DOCK1: variants seen among roughly 807,000 people sequenced by gnomAD.
DOCK1 encodes the protein dedicator of cytokinesis 1, also known as dedicator of cytokinesis protein 1.
DOCK1 carries 138 observed loss-of-function variants against 262.7 expected under a neutral mutation model. The observed-to-expected ratio is 0.53, with a 90% confidence interval of 0.46 to 0.61. The LOEUF (loss-of-function observed/expected upper bound fraction) is 0.61, where lower values mean the gene tolerates loss of function less well. Among genes scored for constraint, DOCK1 ranks in the 20% least tolerant of loss-of-function variants. The pLI is 0.00. For missense variants in DOCK1, 1,908 were observed against 2,370.7 expected (o/e 0.80, Z 4.05); for synonymous variants, 866 against 867.4 (o/e 1.00, Z 0.03).
At chr10:127,438,163 C>A (rs1298870405) in intron 48 of DOCK1, among the ~76,000 whole-genome samples, 1 of 152,218 alleles carries the variant, frequency 6.6e-6, no homozygotes, top group Non-Finnish European at 1.5e-5. Flanking sequence ...GAGTTGGATC[C>A]ATTTCTTCCA....
intron 43 of DOCK1, among the ~76,000 whole-genome samples, chr10:127,414,922 T>C (rs2068070466): frequency 6.6e-6 from 1 of 152,202 alleles, no homozygotes; most frequent in Admixed American, 6.5e-5. Context: ...GTGGGCAATG[T>C]TGGCTAGGGG....
chr10:127,393,361 G>A (rs898360146), intron 38 of DOCK1, among the ~76,000 whole-genome samples: 3 of 152,144 alleles, frequency 2.0e-5, no homozygotes, highest in African/African-American at 7.2e-5. Context: ...ATTTCCATAT[G>A]CAATTAAGGA....
chr10:127,333,857 G>A (rs1590517937), intron 29 of DOCK1, among the ~76,000 whole-genome samples: 1 of 152,156 alleles, frequency 6.6e-6, no homozygotes, highest in Non-Finnish European at 1.5e-5. Context: ...TCAGTGTTCA[G>A]ATAACTTTGT....
chr10:127,066,072 C>A (rs868179024), intron 23 of DOCK1, among the ~76,000 whole-genome samples: 2 of 152,054 alleles, frequency 1.3e-5, no homozygotes, highest in Non-Finnish European at 2.9e-5. Flanking sequence ...AAATTCAACC[C>A]GTGCCTTCTG....
intron 40 of DOCK1, among the ~76,000 whole-genome samples, chr10:127,406,068 G>A (rs868331674): frequency 6.6e-5 from 10 of 152,080 alleles, no homozygotes; most frequent in East Asian, 1.9e-4. Flanking sequence ...TGTGTGCTCC[G>A]GAACATACAT....
intron 26 of DOCK1, 151 bp from the exon 27 acceptor site, chr10:127,127,518 A>C (rs1200547306): frequency 2.2e-6 from 1 of 457,586 alleles, no homozygotes; most frequent in Non-Finnish European, 3.8e-6. Flanking sequence ...TTTTTGTGAG[A>C]GCTTTTGCCT....
intron 27 of DOCK1, among the ~76,000 whole-genome samples, chr10:127,223,045 G>A (rs553436655): frequency 6.6e-6 from 1 of 152,260 alleles, no homozygotes; most frequent in African/African-American, 2.4e-5. Context: ...AAAAATTGTA[G>A]AACCTGTTCC....
At chr10:127,408,621 C>G (rs954144487) in intron 40 of DOCK1, among the ~76,000 whole-genome samples, 3 of 152,204 alleles carry the variant, frequency 2.0e-5, no homozygotes, top group African/African-American at 7.2e-5. Flanking sequence ...TAGGGCCTAC[C>G]TGAGAAGAAA....
rs554751788 is a variant in DOCK1, at chr10:127,278,545, T to G, written c.3044+21116T>G. 3.5e-4 allele frequency among the ~76,000 whole-genome samples: 54 copies of G among 152,170 alleles called. 1 individual carries two copies. The South Asian group carries it at 0.01, about 29-fold the overall frequency. Reference sequence around the variant, plus strand: ...GTGAGGGAGTTGCAGCTGGCTGAATTCAGGAAGTTACCAAAGAAGGCTGAT... The same window carrying G: ...GTGAGGGAGTTGCAGCTGGCTGAATGCAGGAAGTTACCAAAGAAGGCTGAT... On this transcript the variant is annotated intron_variant, in intron 29 of 51. Transcript: ENST00000623213.
chr10:126,949,059 G>A (rs1265221270), intron 1 of DOCK1, among the ~76,000 whole-genome samples: 1 of 152,138 alleles, frequency 6.6e-6, no homozygotes. Context: ...CGGGATCCTG[G>A]CCTCCCCTTT....
At chr10:127,343,856 T>G (rs1328154137) in intron 31 of DOCK1, 110 bp downstream of exon 31, 1 of 899,330 alleles carries the variant, frequency 1.1e-6, no homozygotes, top group East Asian at 2.7e-5. Flanking sequence ...GTAATCACGG[T>G]GTAATGAAAG....
chr10:126,996,739 T>C lies in DOCK1; in HGVS notation c.474-9T>C, dbSNP rs556176446. 6.9e-6 allele frequency: 11 copies of C among 1,601,928 alleles called. No homozygotes were observed. The East Asian group carries it at 9.0e-5, about 13-fold the overall frequency. ...TGTCTGTGAACTTACTAAATTCTTG[T>C]TGTTCTAGAATTCTAGATTTGGACC... is the stretch of plus-strand genomic sequence containing the variant. On this transcript the variant is annotated splice_polypyrimidine_tract_variant and intron_variant, in intron 6 of 51. Transcript: ENST00000623213.
chr10:127,331,589 A>G (rs2062985813), intron 29 of DOCK1, among the ~76,000 whole-genome samples: 1 of 152,110 alleles, frequency 6.6e-6, no homozygotes, highest in Non-Finnish European at 1.5e-5. Flanking sequence ...GCCCGGATTC[A>G]GTTTTTAAGT....
In DOCK1 at chr10:126,911,946, GGACCACAA is replaced by G. The variant is rs2031833194; in HGVS notation, c.46+6387_46+6394del. 2.0e-5 allele frequency among the ~76,000 whole-genome samples: 3 copies of G among 152,162 alleles called. No homozygotes were observed. The South Asian group carries it at 6.2e-4, about 32-fold the overall frequency. On this transcript the variant is annotated intron_variant, in intron 1 of 51. Coordinates refer to ENST00000623213, the MANE Select transcript of DOCK1 (RefSeq NM_001290223.2). ...AGTTGACTGGAGCTACCATAACAAA[GGACCACAA>G]GACAGGGTGGCTTAACCAACAGGAC...
chr10:127,133,016 GAC>G (rs1831496045), intron 27 of DOCK1, among the ~76,000 whole-genome samples: 1 of 152,188 alleles, frequency 6.6e-6, no homozygotes, highest in Non-Finnish European at 1.5e-5. Context: ...TGACTCCCTA[GAC>G]ACAAGTGATG....
intron 23 of DOCK1, among the ~76,000 whole-genome samples, chr10:127,066,375 C>T (rs2045875735): frequency 6.6e-6 from 1 of 152,196 alleles, no homozygotes; most frequent in East Asian, 1.9e-4. Flanking sequence ...GAACCGTTTC[C>T]TGCATGCTGA....
At chr10:127,225,817 G>A (rs1172608472) in intron 27 of DOCK1, among the ~76,000 whole-genome samples, 6 of 152,150 alleles carry the variant, frequency 3.9e-5, no homozygotes, top group Non-Finnish European at 8.8e-5. Context: ...GGTGGCTCAC[G>A]CCTGTAACCC....
chr10:127,093,206 CTTTCTTTCTTTCT>C (rs920921756), intron 23 of DOCK1, among the ~76,000 whole-genome samples: 31 of 119,980 alleles, frequency 2.6e-4, no homozygotes, highest in Admixed American at 8.4e-5. Context: ...CTTTTTCTTT[CTTTCTTTCTTTCT>C]TTTCTTTCTT....
intron 31 of DOCK1, among the ~76,000 whole-genome samples, chr10:127,353,689 G>A (rs550687543): frequency 2.6e-5 from 4 of 152,344 alleles, no homozygotes; most frequent in Non-Finnish European, 5.9e-5. Context: ...GGCCTCCCAC[G>A]CACCACAGCA....
Sources: gnomAD v4.1 joint callset for allele counts (sites outside exome capture counted in the v4.1 genomes callset) on GRCh38, gnomAD v4.1.1 for gene constraint, MANE v1.5 for transcripts, NCBI Gene and HGNC (gene_info 2026-07-23, HGNC 2026-07-21) for gene names.